Variants in PRKCG observed in about 807,000 individuals in gnomAD.
The protein encoded by PRKCG is protein kinase C gamma, also known as protein kinase C gamma type.
PRKCG carries 28 observed loss-of-function variants against 82.0 expected under a neutral mutation model. The ratio of observed to expected loss-of-function variants is 0.34; its 90% CI spans 0.25 to 0.47. The LOEUF is 0.47. Among genes scored for constraint, PRKCG ranks in the 20% least tolerant of loss-of-function variants. PRKCG has a pLI of 1.00. For missense variants in PRKCG, 640 were observed against 952.7 expected, an observed-to-expected ratio of 0.67 and a Z score of 4.32; for synonymous variants, 383 against 376.6, an observed-to-expected ratio of 1.02 and a Z score of -0.20.
intron 11 of PRKCG, among the ~76,000 whole-genome samples, 180 bp downstream of exon 11, chr19:53,898,808 C>T (rs541362533): frequency 1.2e-4 from 6 of 50,436 alleles, no homozygotes; most frequent in African/African-American, 3.2e-4. Context: ...GGGGGCGTGG[C>T]CAGGCGAAGG....
rs1462686889 is a variant in PRKCG, at chr19:53,883,871, T to G, written c.203-290T>G. ...TGTCTGTTTGTCAATGGGATCCTAT[T>G]TTCTTTCTCTCTTTTTCCATCTCCC... is the stretch of plus-strand genomic sequence containing the variant. On this transcript the variant is annotated intron_variant, in intron 2 of 17. Transcript: ENST00000263431. The surrounding 1 kb of genome is among the most constrained non-coding windows in gnomAD (Gnocchi z 5.4). Among the ~76,000 whole-genome samples, 1 of 152,158 alleles carries G rather than the reference T, an allele frequency of 6.6e-6. No homozygotes were observed. Among genetic ancestry groups the G allele is most frequent in the Non-Finnish European group, 1.5e-5 (1 of 68,030 alleles).
Position 53,907,055 on chromosome 19 carries a change from C to G in PRKCG, c.*160C>G. 8 of 1,495,278 alleles carry G rather than the reference C, an allele frequency of 5.4e-6. No individual in the cohort carries two copies. The highest frequency in any genetic ancestry group is 7.2e-6 in the Non-Finnish European group (8 of 1,116,072). 92.6% of individuals were successfully genotyped at this position (1,495,278 alleles called of 1,614,324 possible). A position where few individuals can be genotyped will look rare whatever the true frequency, so the allele number is the denominator to read the frequency against. On this transcript the variant is annotated 3_prime_UTR_variant, in exon 18 of 18. Coordinates refer to ENST00000263431, the MANE Select transcript of PRKCG (RefSeq NM_002739.5). ...GTTCTAGACGCCCCTCCCAAGCGTT[C>G]CTGGCCTTCTGAACTCCATACAGCC...
chr19:53,889,576 C>T lies in PRKCG; in HGVS notation c.286-62C>T, dbSNP rs1315850484. 1.6e-6 allele frequency: 2 copies of T among 1,251,774 alleles called. No homozygotes were observed. Among genetic ancestry groups the T allele is most frequent in the East Asian group, 2.4e-5 (1 of 41,668 alleles). 77.5% of individuals were successfully genotyped at this position (1,251,774 alleles called of 1,614,324 possible). On this transcript the variant is annotated intron_variant, in intron 3 of 17. Coordinates refer to ENST00000263431, the MANE Select transcript of PRKCG (RefSeq NM_002739.5). This position sits in a 1 kb window ranked among gnomAD's most constrained non-coding sequence, Gnocchi z 4.4. ...AAGGCAGGAGGAAAAGATAAAAGGGCCCCTCCCCTGGGGTTTTAGGACCCT... is the reference window on the plus strand; with the variant it reads ...AAGGCAGGAGGAAAAGATAAAAGGGTCCCTCCCCTGGGGTTTTAGGACCCT...
intron 16 of PRKCG, among the ~76,000 whole-genome samples, chr19:53,905,304 T>C (rs1210216175): frequency 5.3e-5 from 8 of 152,056 alleles, no homozygotes; most frequent in Non-Finnish European, 1.2e-4. Context: ...TGTCTCCTTC[T>C]GCATCTCTGT....
chr19:53,898,846 A>G (rs1170519320), intron 11 of PRKCG, among the ~76,000 whole-genome samples: 5 of 11,588 alleles, frequency 4.3e-4, no homozygotes, highest in Non-Finnish European at 6.2e-4. Context: ...GGCCAGGCGG[A>G]GGGGCTCAAC....
chr19:53,907,175 C>A lies in PRKCG; in HGVS notation c.*280C>A. The A allele has an allele frequency of 1.7e-6, 1 of 602,676 alleles. No homozygotes were observed. 37.3% of individuals were successfully genotyped at this position (602,676 alleles called of 1,614,324 possible). ...CTGCCCCAATCGGGTCCAGAGACCA[C>A]ACCACTAACCATCCCCAACTCCATG... On this transcript the variant is annotated 3_prime_UTR_variant, in exon 18 of 18. Coordinates refer to ENST00000263431, the MANE Select transcript of PRKCG (RefSeq NM_002739.5).
At chr19:53,898,680 C>G (rs768060744) in intron 11 of PRKCG, 52 bp downstream of exon 11, 47 of 1,503,400 alleles carry the variant, frequency 3.1e-5, no homozygotes, top group Non-Finnish European at 4.1e-5. Context: ...TTATCCAGTT[C>G]TGGACATCTG....
chr19:53,900,430 C>G lies in PRKCG; in HGVS notation c.1385C>G (p.Ala462Gly). 1.2e-6 allele frequency: 2 copies of G among 1,614,178 alleles called. No individual in the cohort carries two copies. The highest frequency in any genetic ancestry group is 1.7e-6 in the Non-Finnish European group (2 of 1,180,048). Residue 462 changes from alanine (A) to glycine (G), a missense_variant, in exon 13 of 18, where the codon GCA (alanine) becomes GGA (glycine). Transcript: ENST00000263431. This position sits in a 1 kb window ranked among gnomAD's most constrained non-coding sequence, Gnocchi z 4.2. ...ACCCCGTCCTCCAGGTTCTACGCGGCAGAAATCGCTATCGGCCTCTTCTTC... is the reference window on the plus strand; with the variant it reads ...ACCCCGTCCTCCAGGTTCTACGCGGGAGAAATCGCTATCGGCCTCTTCTTC... ...FKEPHAAFYA[A>G]EIAIGLFFLH...
chr19:53,907,317 G>T lies in PRKCG; in HGVS notation c.*422G>T, dbSNP rs887215154. On this transcript the variant is annotated 3_prime_UTR_variant, in exon 18 of 18. Transcript: ENST00000263431. ...GGTTCCAGAACAGCCCTCGGCCTCCGAGGCTCCCCGCCTCCACTCTAGTTC... is the reference window on the plus strand; with the variant it reads ...GGTTCCAGAACAGCCCTCGGCCTCCTAGGCTCCCCGCCTCCACTCTAGTTC... The T allele has an allele frequency of 2.9e-5, 8 of 271,628 alleles. No homozygotes were observed. The highest frequency in any genetic ancestry group is 1.4e-3 in the Middle Eastern group (1 of 732). 16.8% of individuals were successfully genotyped at this position (271,628 alleles called of 1,614,324 possible). A position where few individuals can be genotyped will look rare whatever the true frequency, so the allele number is the denominator to read the frequency against.
intron 9 of PRKCG, among the ~76,000 whole-genome samples, chr19:53,897,395 G>A (rs981240214): frequency 6.6e-6 from 1 of 152,164 alleles, no homozygotes; most frequent in Non-Finnish European, 1.5e-5. Context: ...CTAGCTGAAA[G>A]CCAGGTGTGC....
rs1464298348 is a variant in PRKCG at position 53,900,988 on chromosome 19, C to G, written c.1575+239C>G. On this transcript the variant is annotated intron_variant, in intron 14 of 17. Transcript: ENST00000263431. This position sits in a 1 kb window ranked among gnomAD's most constrained non-coding sequence, Gnocchi z 4.2. Reference sequence around the variant, plus strand: ...TGGGCAGCACCTGTGGGTGAATGTTCCAGGAGAGTGGGACCAGCTCGTAGG... The same window carrying G: ...TGGGCAGCACCTGTGGGTGAATGTTGCAGGAGAGTGGGACCAGCTCGTAGG... 1.3e-5 allele frequency among the ~76,000 whole-genome samples: 2 copies of G among 152,182 alleles called. No homozygotes were observed. Among genetic ancestry groups the G allele is most frequent in the East Asian group, 3.9e-4 (2 of 5,184 alleles).
At chr19:53,891,046 C>T (rs1327621517) in intron 5 of PRKCG, among the ~76,000 whole-genome samples, 6 of 151,964 alleles carry the variant, frequency 3.9e-5, no homozygotes, top group African/African-American at 7.2e-5. Flanking sequence ...GGACCGTGCC[C>T]GGCAATGGCT....
rs1032223933 is a variant in PRKCG at position 53,892,411 on chromosome 19, A to G, written c.687-98A>G. The stretch of plus-strand genomic sequence containing the variant: ...ACCGACAAAGCAGGAGAGGAGCCCC[A>G]GCTGGCTGGGTTTGCCCCCACCTCC... On this transcript the variant is annotated intron_variant, in intron 6 of 17. Transcript: ENST00000263431. This position sits in a 1 kb window ranked among gnomAD's most constrained non-coding sequence, Gnocchi z 5.9. The G allele has an allele frequency of 1.4e-5, 22 of 1,528,342 alleles. No homozygotes were observed. The highest frequency in any genetic ancestry group is 1.9e-5 in the Non-Finnish European group (22 of 1,137,688). The allele number at this position is 1,528,342 out of a possible 1,614,324, so 94.7% of individuals were successfully genotyped here.
intron 9 of PRKCG, among the ~76,000 whole-genome samples, chr19:53,896,493 C>T (rs2068719465): frequency 6.6e-6 from 1 of 151,908 alleles, no homozygotes; most frequent in Admixed American, 6.6e-5. Flanking sequence ...GATCTCAGCT[C>T]ACTGCAACCT....
Position 53,882,617 on chromosome 19 carries a change from C to T in PRKCG, c.123C>T (p.Arg41=). ...HEVKSHKFTA[R]FFKQPTFCSH... ...TCAAGAGCCACAAGTTCACCGCTCGCTTCTTCAAGCAGCCCACCTTCTGCA... is the reference window on the plus strand; with the variant it reads ...TCAAGAGCCACAAGTTCACCGCTCGTTTCTTCAAGCAGCCCACCTTCTGCA... The change falls in exon 1 of 18, where the codon CGC becomes CGT. Residue 41 remains arginine, a synonymous_variant. Transcript: ENST00000263431. This position sits in a 1 kb window ranked among gnomAD's most constrained non-coding sequence, Gnocchi z 6.1. 2 of 1,613,608 alleles carry T rather than the reference C, an allele frequency of 1.2e-6. No individual in the cohort carries two copies. The highest frequency in any genetic ancestry group is 1.7e-6 in the Non-Finnish European group (2 of 1,179,926).
At position 53,906,776 on chromosome 19, in the gene PRKCG, C is replaced by T; in HGVS notation, c.1975C>T (p.Arg659Cys). 3 of 1,613,644 alleles carry T rather than the reference C, an allele frequency of 1.9e-6. No homozygotes were observed. Among genetic ancestry groups the T allele is most frequent in the Non-Finnish European group, 2.5e-6 (3 of 1,180,022 alleles). Residue 659 changes from arginine to cysteine, a missense_variant, in exon 18 of 18, where the codon CGC becomes TGC. Physicochemically the swap from Arg to Cys is radical, Grantham distance 180. Transcript: ENST00000263431. Reference sequence around the variant, plus strand: ...GGCGCCAGCGCTGACCCCTCCAGACCGCCTAGTCCTGGCCAGCATCGACCA... The same window carrying T: ...GGCGCCAGCGCTGACCCCTCCAGACTGCCTAGTCCTGGCCAGCATCGACCA... ...RAAPALTPPD[R>C]LVLASIDQAD...
At chr19:53,887,488 ACT>A (rs2068639270) in intron 3 of PRKCG, among the ~76,000 whole-genome samples, 1 of 130,558 alleles carries the variant, frequency 7.7e-6, no homozygotes, top group Non-Finnish European at 1.6e-5. Flanking sequence ...CAAGAACAAA[ACT>A]CTGTCTCAAA....
chr19:53,893,187 A>G, intron 8 of PRKCG, 112 bp downstream of exon 8: 1 of 1,264,490 alleles, frequency 7.9e-7, no homozygotes, highest in Non-Finnish European at 1.1e-6. Context: ...CAGTTCCCAG[A>G]AGACCCTAGG....
Position 53,900,517 on chromosome 19 carries a change from C to A in PRKCG, c.1436+36C>A. 1.2e-6 allele frequency: 2 copies of A among 1,614,122 alleles called. No homozygotes were observed. Among genetic ancestry groups the A allele is most frequent in the Non-Finnish European group, 1.7e-6 (2 of 1,179,972 alleles). On this transcript the variant is annotated intron_variant, in intron 13 of 17. Transcript: ENST00000263431. The surrounding 1 kb of genome is among the most constrained non-coding windows in gnomAD (Gnocchi z 4.2). The stretch of plus-strand genomic sequence containing the variant: ...CCAGGAATTTCCGTGGAGGAAATCA[C>A]GCCCCTGGAAGGGAAGGGATTTGAA...
Sources: gnomAD v4.1 joint callset for allele counts (sites outside exome capture counted in the v4.1 genomes callset) on GRCh38, gnomAD v4.1.1 for gene constraint, Gnocchi (gnomAD v3.1) non-coding constraint, MANE v1.5 for transcripts, NCBI Gene and HGNC (gene_info 2026-07-23, HGNC 2026-07-21) for gene names.